The following HIBADH variants were observed in gnomAD, a reference collection of about 807,000 sequenced individuals.
HIBADH encodes 3-hydroxyisobutyrate dehydrogenase, mitochondrial.
A neutral mutation model predicts 36.1 loss-of-function variants in HIBADH; 25 were observed. That is an observed-to-expected ratio of 0.69 (90% confidence interval 0.50 to 0.97). The LOEUF is 0.97. HIBADH is among the 50% of genes least tolerant of loss of function. The pLI, the probability that HIBADH is intolerant of heterozygous loss-of-function variation, is 0.00. For synonymous variants in HIBADH, 160 were observed against 149.5 expected, an observed-to-expected ratio of 1.07 and a Z score of -0.51; for missense variants, 421 against 418.0, an observed-to-expected ratio of 1.01 and a Z score of -0.06.
chr7:27,657,381 G>T (rs1181471620), intron 1 of HIBADH, among the ~76,000 whole-genome samples: 1 of 152,132 alleles, frequency 6.6e-6, no homozygotes. Flanking sequence ...AAAAGGGAGG[G>T]AGTCAAAGGA....
intron 4 of HIBADH, among the ~76,000 whole-genome samples, chr7:27,546,305 G>C (rs182137366): frequency 7.2e-4 from 110 of 152,126 alleles, no homozygotes; most frequent in African/African-American, 2.6e-3. Flanking sequence ...TTTTGGTAGA[G>C]ATGGGGTTTC....
intron 4 of HIBADH, among the ~76,000 whole-genome samples, chr7:27,565,310 G>C (rs1308065953): frequency 6.6e-6 from 1 of 152,146 alleles, no homozygotes; most frequent in Admixed American, 6.6e-5. Flanking sequence ...TCTGCCTCCT[G>C]ATCGACCCTG....
intron 2 of HIBADH, among the ~76,000 whole-genome samples, chr7:27,641,797 C>T (rs946545669): frequency 6.7e-6 from 1 of 150,316 alleles, no homozygotes; most frequent in Admixed American, 6.6e-5. Flanking sequence ...TTTCTGTTGC[C>T]CTCAGGACCA....
At chr7:27,651,520 CAAT>C (rs986608305) in intron 1 of HIBADH, among the ~76,000 whole-genome samples, 10 of 152,078 alleles carry the variant, frequency 6.6e-5, no homozygotes, top group Admixed American at 1.3e-4. Context: ...AACAAACTAG[CAAT>C]AATAGCCAGA....
At chr7:27,642,265 A>G (rs756759497) in intron 2 of HIBADH, among the ~76,000 whole-genome samples, 6 of 152,208 alleles carry the variant, frequency 3.9e-5, no homozygotes, top group African/African-American at 7.2e-5. Context: ...GTGAGTAAAG[A>G]TTACATGCAA....
chr7:27,556,517 T>C (rs1244747553), intron 4 of HIBADH, among the ~76,000 whole-genome samples: 1 of 152,212 alleles, frequency 6.6e-6, no homozygotes, highest in African/African-American at 2.4e-5. Flanking sequence ...TTTGAAAGAA[T>C]TCTCTTAGAC....
At chr7:27,569,385 A>G (rs1784597060) in intron 4 of HIBADH, among the ~76,000 whole-genome samples, 1 of 152,156 alleles carries the variant, frequency 6.6e-6, no homozygotes, top group African/African-American at 2.4e-5. Context: ...GTATCATATC[A>G]TGAACATTTG....
chr7:27,556,527 C>T (rs1338963392), intron 4 of HIBADH, among the ~76,000 whole-genome samples: 1 of 152,128 alleles, frequency 6.6e-6, no homozygotes, highest in African/African-American at 2.4e-5. Flanking sequence ...TTCTCTTAGA[C>T]ATTTCTTTGG....
At chr7:27,576,681 T>C (rs1288182960) in intron 4 of HIBADH, among the ~76,000 whole-genome samples, 3 of 152,208 alleles carry the variant, frequency 2.0e-5, no homozygotes, top group African/African-American at 7.2e-5. Context: ...ATATTCCTTT[T>C]TCCTATACTT....
At chr7:27,603,339 A>G (rs1039252649) in intron 4 of HIBADH, among the ~76,000 whole-genome samples, 2 of 152,196 alleles carry the variant, frequency 1.3e-5, no homozygotes, top group African/African-American at 4.8e-5. Context: ...AACATACAAA[A>G]AACAAAAATG....
chr7:27,633,393 C>T (rs1785782490), intron 2 of HIBADH, among the ~76,000 whole-genome samples: 2 of 152,182 alleles, frequency 1.3e-5, no homozygotes, highest in Admixed American at 1.3e-4. Flanking sequence ...CACAATGACT[C>T]ACGCCTGTAA....
chr7:27,571,218 T>C (rs889296943), intron 4 of HIBADH, among the ~76,000 whole-genome samples: 22 of 106,236 alleles, frequency 2.1e-4, no homozygotes, highest in Non-Finnish European at 5.5e-5. Context: ...TTTCAATCTA[T>C]CTTTTATTTT....
intron 4 of HIBADH, among the ~76,000 whole-genome samples, chr7:27,553,274 A>AAT (rs1784343994): frequency 6.6e-6 from 1 of 152,182 alleles, no homozygotes; most frequent in African/African-American, 2.4e-5. Flanking sequence ...AGAAAACATT[A>AAT]GTTTTCTGCA....
chr7:27,592,212 G>C (rs1784949384), intron 4 of HIBADH, among the ~76,000 whole-genome samples: 1 of 152,140 alleles, frequency 6.6e-6, no homozygotes, highest in African/African-American at 2.4e-5. Context: ...GTTACATTTA[G>C]TGCAATGTGT....
intron 4 of HIBADH, among the ~76,000 whole-genome samples, chr7:27,555,572 C>T (rs1426227852): frequency 6.6e-6 from 1 of 152,008 alleles, no homozygotes; most frequent in African/African-American, 2.4e-5. Flanking sequence ...GTCCCCCTAC[C>T]CTCTCCTCAA....
At chr7:27,536,387 A>G (rs1784070148) in intron 6 of HIBADH, among the ~76,000 whole-genome samples, 1 of 151,152 alleles carries the variant, frequency 6.6e-6, no homozygotes, top group South Asian at 2.1e-4. Context: ...AGACTTTTAG[A>G]ATATATTTTA....
intron 2 of HIBADH, among the ~76,000 whole-genome samples, chr7:27,633,973 A>G (rs58868541): frequency 6.6e-6 from 1 of 152,178 alleles, no homozygotes; most frequent in Non-Finnish European, 1.5e-5. Flanking sequence ...AAGTAAAAGA[A>G]TAGGAAGCCA....
intron 2 of HIBADH, among the ~76,000 whole-genome samples, chr7:27,635,086 ATGTGTGTG>A (rs3072901): frequency 4.7e-5 from 7 of 149,660 alleles, no homozygotes; most frequent in Admixed American, 3.3e-4. Flanking sequence ...CTCTCTGTGC[ATGTGTGTG>A]TGTGTGTGTG....
chr7:27,640,351 CA>C (rs1369394960), intron 2 of HIBADH, among the ~76,000 whole-genome samples: 1 of 152,088 alleles, frequency 6.6e-6, no homozygotes, highest in Non-Finnish European at 1.5e-5. Flanking sequence ...GGCAACAAAG[CA>C]AAACCCTGTC....
Sources: allele counts gnomAD v4.1 joint callset (sites outside exome capture counted in the v4.1 genomes callset), GRCh38; gene constraint gnomAD v4.1.1; transcripts MANE v1.5; gene names NCBI Gene and HGNC (gene_info 2026-07-23, HGNC 2026-07-21).